The following NRG1 variants were observed in gnomAD, a reference collection of about 807,000 sequenced individuals.
NRG1 encodes the protein pro-neuregulin-1, membrane-bound isoform.
In NRG1, 18 loss-of-function variants were observed where a neutral mutation model predicts 63.8. The observed-to-expected ratio is 0.28, with a 90% CI of 0.19 to 0.42. The LOEUF (loss-of-function observed/expected upper bound fraction) is 0.42, where lower values mean the gene tolerates loss of function less well. NRG1 is among the 10% of genes least tolerant of loss of function. The pLI is 1.00. For missense variants in NRG1, 762 were observed against 814.7 expected, an observed-to-expected ratio of 0.94 and a Z score of 0.79; for synonymous variants, 302 against 301.3, an observed-to-expected ratio of 1.00 and a Z score of -0.02.
chr8:32,065,831 A>G (rs970926723), intron 1 of NRG1, among the ~76,000 whole-genome samples: 4 of 152,186 alleles, frequency 2.6e-5, no homozygotes, highest in Non-Finnish European at 2.9e-5. Context: ...ATTTCTCCAC[A>G]TCCTCTCTGG....
At chr8:32,136,305 G>A (rs1835516326) in intron 1 of NRG1, among the ~76,000 whole-genome samples, 1 of 152,082 alleles carries the variant, frequency 6.6e-6, no homozygotes, top group Non-Finnish European at 1.5e-5. Context: ...TTGTCACCTG[G>A]CCCTTTTCAT....
intron 1 of NRG1, among the ~76,000 whole-genome samples, chr8:32,251,891 A>G (rs1298998968): frequency 5.2e-5 from 4 of 76,424 alleles, no homozygotes; most frequent in African/African-American, 2.6e-4. Context: ...CTCTAATGTT[A>G]GCTGCATAAT....
chr8:32,712,526 T>C (rs1818086840), intron 5 of NRG1, among the ~76,000 whole-genome samples: 1 of 152,206 alleles, frequency 6.6e-6, no homozygotes, highest in Non-Finnish European at 1.5e-5. Context: ...GTAAATTATG[T>C]CTGGAGAATT....
At chr8:31,924,080 C>T (rs1168697646) in intron 1 of NRG1, among the ~76,000 whole-genome samples, 3 of 152,128 alleles carry the variant, frequency 2.0e-5, no homozygotes, top group African/African-American at 7.2e-5. Context: ...TTGGGTTGGG[C>T]ACAGTGGCTC....
chr8:32,227,389 C>G (rs1345417062), intron 1 of NRG1, among the ~76,000 whole-genome samples: 1 of 152,006 alleles, frequency 6.6e-6, no homozygotes, highest in Non-Finnish European at 1.5e-5. Flanking sequence ...CTAAGTAGTA[C>G]AGTATAAGAT....
At chr8:32,400,357 C>G (rs1161283903) in intron 1 of NRG1, among the ~76,000 whole-genome samples, 1 of 152,046 alleles carries the variant, frequency 6.6e-6, no homozygotes, top group East Asian at 1.9e-4. Flanking sequence ...GTGGTGCAAC[C>G]CTATAGTCTG....
chr8:32,520,767 T>C (rs1317800159), intron 1 of NRG1, among the ~76,000 whole-genome samples: 2 of 152,132 alleles, frequency 1.3e-5, no homozygotes, highest in South Asian at 2.1e-4. Context: ...ATCCCAGAAA[T>C]AAACAATTTC....
intron 1 of NRG1, among the ~76,000 whole-genome samples, chr8:31,894,099 TATAG>T (rs1334928479): frequency 6.6e-6 from 1 of 152,120 alleles, no homozygotes; most frequent in African/African-American, 2.4e-5. Context: ...CAGATTCTGA[TATAG>T]ATAAACAGAA....
intron 1 of NRG1, among the ~76,000 whole-genome samples, chr8:32,472,452 G>C (rs1337846322): frequency 2.0e-5 from 3 of 152,232 alleles, no homozygotes; most frequent in Non-Finnish European, 4.4e-5. Flanking sequence ...TTACAGGTGT[G>C]AGCCACCGTG....
intron 1 of NRG1, among the ~76,000 whole-genome samples, chr8:32,308,633 A>C (rs534990728): frequency 6.6e-6 from 1 of 151,802 alleles, no homozygotes; most frequent in African/African-American, 2.4e-5. Flanking sequence ...TCTCTTTTTA[A>C]CTCCACATGT....
intron 1 of NRG1, among the ~76,000 whole-genome samples, chr8:31,645,058 T>C (rs1410616105): frequency 6.6e-6 from 1 of 152,202 alleles, no homozygotes; most frequent in Non-Finnish European, 1.5e-5. Context: ...ATTTACAATG[T>C]TCTTATTTCC....
chr8:32,564,205 A>G (rs1837006951), intron 1 of NRG1, among the ~76,000 whole-genome samples: 1 of 152,264 alleles, frequency 6.6e-6, no homozygotes, highest in Non-Finnish European at 1.5e-5. Flanking sequence ...AAGATCTTAG[A>G]GGAAATAGAT....
At chr8:32,602,110 T>C (rs1844468434) in intron 2 of NRG1, among the ~76,000 whole-genome samples, 1 of 152,144 alleles carries the variant, frequency 6.6e-6, no homozygotes, top group Non-Finnish European at 1.5e-5. Context: ...GTGTTCTCCA[T>C]AGAAAAGATT....
chr8:32,451,097 T>C (rs547043696), intron 1 of NRG1, among the ~76,000 whole-genome samples: 79 of 152,340 alleles, frequency 5.2e-4, no homozygotes, highest in African/African-American at 1.9e-3. Context: ...TACTATTTTA[T>C]ATATTGATAA....
chr8:32,048,446 C>CATACATATATATATATAT (rs1821426884), intron 1 of NRG1, among the ~76,000 whole-genome samples: 1 of 6,712 alleles, frequency 1.5e-4, no homozygotes, highest in African/African-American at 1.7e-4. Context: ...TATATACATA[C>CATACATATATATATATAT]ATATATATAT....
intron 4 of NRG1, among the ~76,000 whole-genome samples, chr8:32,615,151 C>T (rs577852145): frequency 1.3e-5 from 2 of 152,202 alleles, no homozygotes; most frequent in East Asian, 3.9e-4. Flanking sequence ...AACTTAGAAC[C>T]CAACTCTAGC....
intron 1 of NRG1, among the ~76,000 whole-genome samples, chr8:32,422,915 G>A (rs984974494): frequency 6.6e-6 from 1 of 152,150 alleles, no homozygotes; most frequent in Non-Finnish European, 1.5e-5. Context: ...TTGCAGTTTT[G>A]AAAAAGAAGC....
chr8:31,789,600 C>A (rs185378539), intron 1 of NRG1, among the ~76,000 whole-genome samples: 179 of 152,246 alleles, frequency 1.2e-3, no homozygotes, highest in African/African-American at 3.9e-3. Flanking sequence ...TATAGTTGAG[C>A]CCCGAGTAAG....
intron 1 of NRG1, among the ~76,000 whole-genome samples, chr8:31,642,561 C>T (rs548912840): frequency 7.0e-6 from 1 of 143,556 alleles, no homozygotes; most frequent in African/African-American, 2.6e-5. Context: ...TATTCTTGTG[C>T]TTCTAAGGGG....
Sources: allele counts gnomAD v4.1 joint callset (sites outside exome capture counted in the v4.1 genomes callset), GRCh38; gene constraint gnomAD v4.1.1; transcripts MANE v1.5; gene names NCBI Gene and HGNC (gene_info 2026-07-23, HGNC 2026-07-21).